The following GRIK1 variants were observed in gnomAD, a reference collection of about 807,000 sequenced individuals.
GRIK1 encodes glutamate receptor ionotropic, kainate 1.
GRIK1 carries 69 observed loss-of-function variants against 105.7 expected under a neutral mutation model. The ratio of observed to expected loss-of-function variants is 0.65; its 90% CI spans 0.54 to 0.80. The LOEUF is 0.80. Ranked by LOEUF, GRIK1 falls within the 30% of genes least tolerant of loss-of-function variation. The pLI, the probability that GRIK1 is intolerant of heterozygous loss-of-function variation, is 0.00. For missense variants in GRIK1, 1,109 were observed against 1,167.3 expected (o/e 0.95, Z 0.73); for synonymous variants, 438 against 431.3 (o/e 1.02, Z -0.19).
intron 1 of GRIK1, among the ~76,000 whole-genome samples, chr21:29,911,745 A>T (rs2070824782): frequency 6.6e-6 from 1 of 152,186 alleles, no homozygotes; most frequent in African/African-American, 2.4e-5. Flanking sequence ...TCATAGGAAG[A>T]TGCAATGAAA....
At chr21:29,885,309 C>A (rs2069571560) in intron 1 of GRIK1, among the ~76,000 whole-genome samples, 1 of 152,032 alleles carries the variant, frequency 6.6e-6, no homozygotes. Context: ...TGGTTTTTAA[C>A]TAAATATAGG....
intron 16 of GRIK1, among the ~76,000 whole-genome samples, chr21:29,552,654 C>T (rs746248709): frequency 3.9e-4 from 59 of 151,912 alleles, no homozygotes; most frequent in Non-Finnish European, 6.2e-4. Context: ...AATAACATCT[C>T]GTAGAAAGAT....
intron 1 of GRIK1, among the ~76,000 whole-genome samples, chr21:29,707,407 C>T (rs1043463785): frequency 1.3e-5 from 2 of 149,750 alleles, no homozygotes; most frequent in Admixed American, 1.3e-4. Flanking sequence ...TGACTCTATC[C>T]GGCTTTCTTT....
chr21:29,929,422 A>G (rs572788803), intron 1 of GRIK1, among the ~76,000 whole-genome samples: 12 of 152,364 alleles, frequency 7.9e-5, no homozygotes, highest in Non-Finnish European at 1.8e-4. Context: ...TAACAAAACC[A>G]ATAAACTTCC....
At chr21:29,870,642 A>G (rs1177738741) in intron 1 of GRIK1, among the ~76,000 whole-genome samples, 3 of 152,104 alleles carry the variant, frequency 2.0e-5, no homozygotes, top group Non-Finnish European at 4.4e-5. Flanking sequence ...GACCTATTGC[A>G]TCTTCTCTGA....
chr21:29,651,375 C>A, intron 5 of GRIK1, 84 bp from the exon 6 acceptor site: 2 of 841,214 alleles, frequency 2.4e-6, no homozygotes, highest in Non-Finnish European at 3.6e-6. Context: ...ATTGTAGCAC[C>A]AACTAATACA....
chr21:29,893,732 G>T (rs1484231378), intron 1 of GRIK1, among the ~76,000 whole-genome samples: 1 of 152,142 alleles, frequency 6.6e-6, no homozygotes, highest in Non-Finnish European at 1.5e-5. Context: ...CTTCCCTCAA[G>T]AATTCAGAGT....
At chr21:29,576,921 C>G in intron 14 of GRIK1, 43 bp downstream of exon 14, 1 of 1,046,850 alleles carries the variant, frequency 9.6e-7, no homozygotes, top group Non-Finnish European at 1.5e-6. Flanking sequence ...TACTCTACCA[C>G]AAGTATCAGA....
At chr21:29,700,638 C>G (rs2063794315) in intron 1 of GRIK1, among the ~76,000 whole-genome samples, 1 of 152,074 alleles carries the variant, frequency 6.6e-6, no homozygotes, top group Non-Finnish European at 1.5e-5. Context: ...TCCTAACCTG[C>G]TTTTCAATCA....
At chr21:29,776,822 A>C (rs1369591702) in intron 1 of GRIK1, among the ~76,000 whole-genome samples, 1 of 152,168 alleles carries the variant, frequency 6.6e-6, no homozygotes, top group African/African-American at 2.4e-5. Flanking sequence ...ATATCCATTC[A>C]ACATGTATTT....
intron 1 of GRIK1, among the ~76,000 whole-genome samples, chr21:29,828,081 A>G (rs539004211): frequency 6.6e-6 from 1 of 151,382 alleles, no homozygotes; most frequent in Non-Finnish European, 1.5e-5. Context: ...AAGGTAATAG[A>G]CTTTCTCACA....
intron 1 of GRIK1, among the ~76,000 whole-genome samples, chr21:29,851,642 A>G (rs2068307906): frequency 6.6e-6 from 1 of 152,128 alleles, no homozygotes. Flanking sequence ...GCAAAACAGA[A>G]TCTAATAACT....
chr21:29,628,813 A>G (rs556655076), intron 7 of GRIK1, among the ~76,000 whole-genome samples: 2 of 152,344 alleles, frequency 1.3e-5, no homozygotes, highest in South Asian at 4.1e-4. Flanking sequence ...GATCATATTA[A>G]TCATATAATT....
intron 1 of GRIK1, among the ~76,000 whole-genome samples, chr21:29,849,901 C>T (rs2068250642): frequency 6.6e-6 from 1 of 152,112 alleles, no homozygotes; most frequent in Non-Finnish European, 1.5e-5. Context: ...CCCTCTGGTG[C>T]CTCTAAGAGA....
chr21:29,590,963 G>T, intron 10 of GRIK1, 149 bp downstream of exon 10: 3 of 655,670 alleles, frequency 4.6e-6, no homozygotes, highest in South Asian at 3.6e-5. Flanking sequence ...CTTCCTGTAA[G>T]TATGTACAAA....
rs910611207 is a variant in GRIK1 at position 29,836,352 on chromosome 21, T to C, written c.118+103031A>G. On this transcript the variant is annotated intron_variant, in intron 1 of 17. Transcript: ENST00000327783. ...GATCAGTCTCTAGAAATGCTTATGA[T>C]ACACAGAGACAGACACACGTCCCCT... Among the ~76,000 whole-genome samples the C allele has an allele frequency of 5.3e-5, 8 of 152,228 alleles. No homozygotes were observed. In the East Asian group the frequency reaches 7.7e-4, roughly 15 times the overall value.
chr21:29,657,843 T>G (rs1347981400), intron 4 of GRIK1: 2 of 152,240 alleles, frequency 1.3e-5, no homozygotes, highest in Non-Finnish European at 2.9e-5. Context: ...TTTGATTTTC[T>G]CTCTGCATGT....
chr21:29,749,288 T>C (rs1250285661), intron 1 of GRIK1: 1 of 152,218 alleles, frequency 6.6e-6, no homozygotes, highest in Non-Finnish European at 1.5e-5. Flanking sequence ...TCAGTTGTTT[T>C]ACTCAGAATT....
chr21:29,726,272 T>C (rs973466375), intron 1 of GRIK1, among the ~76,000 whole-genome samples: 5 of 152,216 alleles, frequency 3.3e-5, no homozygotes, highest in Admixed American at 3.3e-4. Flanking sequence ...GCATTCTTGA[T>C]GTATTTTTAG....
Sources: gnomAD v4.1 joint callset for allele counts (sites outside exome capture counted in the v4.1 genomes callset) on GRCh38, gnomAD v4.1.1 for gene constraint, MANE v1.5 for transcripts, NCBI Gene and HGNC (gene_info 2026-07-23, HGNC 2026-07-21) for gene names.